Variants in NOL4 observed in about 807,000 individuals in gnomAD.
NOL4 encodes nucleolar protein 4.
Under a neutral mutation model 75.9 loss-of-function variants are expected in NOL4, and 17 were observed. The ratio of observed to expected loss-of-function variants is 0.22; its 90% CI spans 0.15 to 0.34. The LOEUF (loss-of-function observed/expected upper bound fraction) is 0.34. Ranked by LOEUF, NOL4 falls within the 10% of genes least tolerant of loss-of-function variation. The pLI is 1.00. For synonymous variants in NOL4, 292 were observed against 289.9 expected (o/e 1.01, Z -0.07); for missense variants, 614 against 793.5 (o/e 0.77, Z 2.72).
chr18:34,163,823 C>T (rs1335558871), intron 1 of NOL4, among the ~76,000 whole-genome samples: 1 of 152,144 alleles, frequency 6.6e-6, no homozygotes, highest in Non-Finnish European at 1.5e-5. Flanking sequence ...AGGTATCACA[C>T]TACCTGACTT....
chr18:33,960,335 G>A (rs1317255549), intron 6 of NOL4, among the ~76,000 whole-genome samples: 1 of 151,966 alleles, frequency 6.6e-6, no homozygotes, highest in Non-Finnish European at 1.5e-5. Context: ...ATAGTGACAA[G>A]CTTTCTTTTT....
intron 1 of NOL4, among the ~76,000 whole-genome samples, chr18:34,164,416 T>C (rs1377140031): frequency 6.6e-6 from 1 of 151,844 alleles, no homozygotes; most frequent in African/African-American, 2.4e-5. Flanking sequence ...AACAATCCCA[T>C]CAAAAAGTGG....
At chr18:33,943,023 TGCTATA>T in intron 9 of NOL4, 36 bp downstream of exon 9, 1 of 1,263,016 alleles carries the variant, frequency 7.9e-7, no homozygotes, top group Non-Finnish European at 1.2e-6. Context: ...GAACTACATT[TGCTATA>T]GCTGGTGTTC....
intron 1 of NOL4, among the ~76,000 whole-genome samples, chr18:34,139,123 T>C (rs1388305951): frequency 6.6e-6 from 1 of 152,196 alleles, no homozygotes; most frequent in East Asian, 1.9e-4. Flanking sequence ...ATCAGGGATA[T>C]TGGTCTAAAA....
At chr18:34,179,194 C>A (rs1212093493) in intron 1 of NOL4, among the ~76,000 whole-genome samples, 7 of 151,438 alleles carry the variant, frequency 4.6e-5, no homozygotes, top group Admixed American at 4.6e-4. Flanking sequence ...AAAATAACTT[C>A]TTTGAGCAAA....
At chr18:34,172,487 A>G (rs920264879) in intron 1 of NOL4, among the ~76,000 whole-genome samples, 2 of 152,146 alleles carry the variant, frequency 1.3e-5, no homozygotes, top group Admixed American at 1.3e-4. Context: ...TGCAATGAAC[A>G]TGCGAGTGCA....
chr18:34,152,842 G>T (rs918338562), intron 1 of NOL4, among the ~76,000 whole-genome samples: 2 of 151,760 alleles, frequency 1.3e-5, no homozygotes, highest in African/African-American at 2.4e-5. Context: ...TTAGACAAAA[G>T]AAAATTGCTA....
intron 9 of NOL4, among the ~76,000 whole-genome samples, chr18:33,891,100 A>G (rs1298837597): frequency 1.3e-5 from 2 of 151,850 alleles, no homozygotes; most frequent in African/African-American, 4.8e-5. Context: ...CTTCCATACT[A>G]TAATAGGCAT....
Position 33,887,867 on chromosome 18 carries a change from C to T in NOL4, c.1543-4443G>A, listed in dbSNP as rs540504730. ...CAATTCTTTGCTATTGTGAATAGTGCCGCAATAAACATACGTGTGCATGTG... is the reference window on the plus strand; with the variant it reads ...CAATTCTTTGCTATTGTGAATAGTGTCGCAATAAACATACGTGTGCATGTG... On this transcript the variant is annotated intron_variant, in intron 9 of 10. Transcript: ENST00000261592. Among the ~76,000 whole-genome samples, 21 of 152,224 alleles carry T rather than the reference C, an allele frequency of 1.4e-4. No homozygotes were observed. In the South Asian group the frequency reaches 2.1e-3, roughly 15 times the overall value.
At chr18:33,965,037 GA>G (rs2070465543) in intron 6 of NOL4, among the ~76,000 whole-genome samples, 1 of 152,066 alleles carries the variant, frequency 6.6e-6, no homozygotes, top group Non-Finnish European at 1.5e-5. Context: ...TATAGATGAG[GA>G]AAATATATAG....
At chr18:33,995,138 A>G (rs568330116) in intron 6 of NOL4, among the ~76,000 whole-genome samples, 1 of 151,718 alleles carries the variant, frequency 6.6e-6, no homozygotes, top group African/African-American at 2.4e-5. Flanking sequence ...ATTATAAAGA[A>G]AAGCCAAGTC....
intron 1 of NOL4, among the ~76,000 whole-genome samples, chr18:34,173,323 C>A (rs1415558069): frequency 6.6e-6 from 1 of 151,916 alleles, no homozygotes; most frequent in Non-Finnish European, 1.5e-5. Flanking sequence ...TAATGTACAG[C>A]AAGGTGATTA....
At chr18:33,929,582 G>A (rs1294584992) in intron 9 of NOL4, among the ~76,000 whole-genome samples, 2 of 152,086 alleles carry the variant, frequency 1.3e-5, no homozygotes, top group African/African-American at 2.4e-5. Context: ...GCTCAGTGGT[G>A]ATATTGTCAG....
At chr18:34,020,827 TA>T (rs1262901035) in intron 5 of NOL4, among the ~76,000 whole-genome samples, 2 of 152,186 alleles carry the variant, frequency 1.3e-5, no homozygotes, top group Admixed American at 1.3e-4. Context: ...TCTTATATGA[TA>T]AAAATTTGCT....
At chr18:34,098,880 G>A (rs2078911879) in intron 4 of NOL4, among the ~76,000 whole-genome samples, 1 of 152,088 alleles carries the variant, frequency 6.6e-6, no homozygotes, top group Non-Finnish European at 1.5e-5. Flanking sequence ...CTGCAAAATG[G>A]AGGTAGAGCA....
intron 5 of NOL4, among the ~76,000 whole-genome samples, chr18:34,026,407 G>C (rs1351495668): frequency 3.9e-5 from 6 of 152,142 alleles, no homozygotes; most frequent in African/African-American, 1.4e-4. Flanking sequence ...GGAGCTCTGG[G>C]CTTGAGCTCT....
chr18:33,981,578 T>C (rs1337741772), intron 6 of NOL4, among the ~76,000 whole-genome samples: 1 of 152,040 alleles, frequency 6.6e-6, no homozygotes. Context: ...TTCTGTATCT[T>C]GAAAAATAAT....
At chr18:34,085,058 GT>G (rs2078185203) in intron 5 of NOL4, among the ~76,000 whole-genome samples, 1 of 152,164 alleles carries the variant, frequency 6.6e-6, no homozygotes, top group Admixed American at 6.5e-5. Flanking sequence ...AAAAAAGACA[GT>G]TGTTCAAGAC....
At chr18:33,938,870 G>C (rs1013010881) in intron 9 of NOL4, among the ~76,000 whole-genome samples, 3 of 152,054 alleles carry the variant, frequency 2.0e-5, no homozygotes, top group Non-Finnish European at 4.4e-5. Context: ...GTCCCAAATG[G>C]TATTTCCTAG....
Sources: gnomAD v4.1 joint callset for allele counts (sites outside exome capture counted in the v4.1 genomes callset) on GRCh38, gnomAD v4.1.1 for gene constraint, MANE v1.5 for transcripts, NCBI Gene and HGNC (gene_info 2026-07-23, HGNC 2026-07-21) for gene names.